Variants in ATP10A observed in about 807,000 individuals in gnomAD.
ATP10A encodes the protein phospholipid-transporting ATPase VA.
ATP10A carries 111 observed loss-of-function variants against 147.8 expected under a neutral mutation model. That is an observed-to-expected ratio of 0.75 (90% confidence interval 0.64 to 0.88). The LOEUF (loss-of-function observed/expected upper bound fraction) is 0.88, where lower values mean the gene tolerates loss of function less well. Among genes scored for constraint, ATP10A ranks in the 40% least tolerant of loss-of-function variants. The pLI, the probability that ATP10A is intolerant of heterozygous loss-of-function variation, is 0.00. For missense variants in ATP10A, 1,927 were observed against 1,959.0 expected (o/e 0.98, Z 0.31); for synonymous variants, 875 against 841.6 (o/e 1.04, Z -0.69).
chr15:25,802,818 G>C (rs564996920), intron 1 of ATP10A, among the ~76,000 whole-genome samples: 19 of 152,032 alleles, frequency 1.2e-4, no homozygotes, highest in African/African-American at 4.4e-4. Context: ...AATCTATCTC[G>C]AGGTCACTGA....
At chr15:25,749,099 T>C (rs1398868104) in intron 2 of ATP10A, among the ~76,000 whole-genome samples, 3 of 149,958 alleles carry the variant, frequency 2.0e-5, no homozygotes, top group African/African-American at 7.4e-5. Context: ...AATACATGAG[T>C]TTAGCAAAGT....
Position 25,736,133 on chromosome 15 carries a change from T to A in ATP10A, c.663A>T (p.Glu221Asp). Residue 221 changes from glutamate to aspartate, a missense_variant, in exon 3 of 21, where the codon GAA becomes GAT. Physicochemically the swap from Glu to Asp is conservative, Grantham distance 45 (BLOSUM62 2). Transcript: ENST00000555815. ...VVRGFSELVSEFNPLTFTSVI... is the reference protein window; with the variant it reads ...VVRGFSELVSDFNPLTFTSVI... ...CGCTGGTGAACGTCAAAGGATTGAA[T>A]TCGGAGACCTAAAATAACAGCACGT... is the stretch of plus-strand genomic sequence containing the variant. 1 of 1,612,758 alleles carries A rather than the reference T, an allele frequency of 6.2e-7. No homozygotes were observed. The highest frequency in any genetic ancestry group is 8.5e-7 in the Non-Finnish European group (1 of 1,179,932).
At chr15:25,692,778 G>A (rs1900107738) in intron 14 of ATP10A, among the ~76,000 whole-genome samples, 1 of 152,138 alleles carries the variant, frequency 6.6e-6, no homozygotes, top group Non-Finnish European at 1.5e-5. Flanking sequence ...TCACATTGAT[G>A]CTTTAACGCA....
intron 2 of ATP10A, among the ~76,000 whole-genome samples, chr15:25,742,878 T>C (rs1887644059): frequency 6.6e-6 from 1 of 152,230 alleles, no homozygotes; most frequent in Non-Finnish European, 1.5e-5. Flanking sequence ...TCTGCTGAGC[T>C]ATTAGCACAG....
At chr15:25,862,590 TC>T (rs1597015621) in intron 1 of ATP10A, 57 bp downstream of exon 1, 1 of 1,454,992 alleles carries the variant, frequency 6.9e-7, no homozygotes, top group Non-Finnish European at 9.1e-7. Flanking sequence ...AACACCAAGT[TC>T]CCGGGGCGCC....
intron 2 of ATP10A, among the ~76,000 whole-genome samples, chr15:25,748,940 GTAA>G (rs1887994260): frequency 6.6e-6 from 1 of 150,878 alleles, no homozygotes; most frequent in Non-Finnish European, 1.5e-5. Context: ...GTGTGTGCCT[GTAA>G]TCCCAGCTAC....
intron 2 of ATP10A, among the ~76,000 whole-genome samples, chr15:25,779,722 A>G (rs1353648754): frequency 6.6e-6 from 1 of 152,234 alleles, no homozygotes; most frequent in African/African-American, 2.4e-5. Flanking sequence ...CTCCTGATCT[A>G]AATGAGAGCA....
chr15:25,826,455 G>A (rs892244324), intron 1 of ATP10A, among the ~76,000 whole-genome samples: 9 of 152,136 alleles, frequency 5.9e-5, no homozygotes, highest in African/African-American at 2.2e-4. Flanking sequence ...CCAGCTACTT[G>A]AGAGGCTGAG....
At position 25,783,327 on chromosome 15, in the gene ATP10A, G is replaced by A. The variant is rs183470937; in HGVS notation, c.450-2104C>T. The stretch of plus-strand genomic sequence containing the variant: ...TCTCACCCGAGTTCCAAGAGAGCAA[G>A]GAGTTTGGTTTGTATCTGGAGGTGG... On this transcript the variant is annotated intron_variant, in intron 1 of 20. Coordinates refer to ENST00000555815, the MANE Select transcript of ATP10A (RefSeq NM_024490.4). Among the ~76,000 whole-genome samples the A allele has an allele frequency of 7.3e-4, 111 of 152,332 alleles. 1 individual carries two copies. In the East Asian group the frequency reaches 0.021, roughly 29 times the overall value.
chr15:25,780,287 C>T (rs1889848736), intron 2 of ATP10A, among the ~76,000 whole-genome samples: 1 of 152,254 alleles, frequency 6.6e-6, no homozygotes, highest in Non-Finnish European at 1.5e-5. Flanking sequence ...CTCAGACTTG[C>T]TGTCTAGGCC....
intron 3 of ATP10A, among the ~76,000 whole-genome samples, chr15:25,734,910 C>T (rs1287868952): frequency 6.6e-6 from 1 of 151,414 alleles, no homozygotes; most frequent in Non-Finnish European, 1.5e-5. Context: ...GCTGGCAAAA[C>T]AGAAGACTCA....
chr15:25,804,789 C>T (rs1891106874), intron 1 of ATP10A, among the ~76,000 whole-genome samples: 1 of 151,992 alleles, frequency 6.6e-6, no homozygotes, highest in Non-Finnish European at 1.5e-5. Flanking sequence ...ACAAAGTAGG[C>T]CTTTGCTGAA....
chr15:25,747,670 TA>T (rs1214254518), intron 2 of ATP10A, among the ~76,000 whole-genome samples: 3 of 152,170 alleles, frequency 2.0e-5, no homozygotes, highest in Admixed American at 6.5e-5. Flanking sequence ...TACAAGTTTC[TA>T]AAATTTAGAG....
chr15:25,792,682 C>T (rs1247879393), intron 1 of ATP10A, among the ~76,000 whole-genome samples: 7 of 152,240 alleles, frequency 4.6e-5, no homozygotes, highest in East Asian at 1.9e-4. Context: ...GCACGAAGCA[C>T]GCACTGCACC....
chr15:25,691,664 A>C (rs771697201), intron 15 of ATP10A, 51 bp downstream of exon 15: 1 of 1,587,134 alleles, frequency 6.3e-7, no homozygotes, highest in Non-Finnish European at 8.7e-7. Flanking sequence ...TGACAGGACA[A>C]GAGGTCAGTA....
At chr15:25,726,375 TTTTTGC>T (rs1362515054) in intron 4 of ATP10A, among the ~76,000 whole-genome samples, 1 of 152,106 alleles carries the variant, frequency 6.6e-6, no homozygotes, top group Non-Finnish European at 1.5e-5. Context: ...ATTCAAAGAA[TTTTTGC>T]TTTTGCTCCT....
intron 1 of ATP10A, among the ~76,000 whole-genome samples, chr15:25,792,605 C>T (rs1235599305): frequency 1.3e-5 from 2 of 152,184 alleles, no homozygotes; most frequent in East Asian, 1.9e-4. Context: ...ATGTGGATGT[C>T]CAACCCCAAC....
chr15:25,699,727 G>A (rs1312628634), intron 13 of ATP10A, among the ~76,000 whole-genome samples: 6 of 152,070 alleles, frequency 3.9e-5, no homozygotes, highest in Non-Finnish European at 5.9e-5. Flanking sequence ...AATTAGCCAG[G>A]TATGCTTGTG....
At chr15:25,756,635 T>C (rs767928721) in intron 2 of ATP10A, among the ~76,000 whole-genome samples, 4 of 103,246 alleles carry the variant, frequency 3.9e-5, no homozygotes, top group Non-Finnish European at 8.6e-5. Flanking sequence ...AGAGCAAGAC[T>C]CCATCTCAAA....
Sources: gnomAD v4.1 joint callset for allele counts (sites outside exome capture counted in the v4.1 genomes callset) on GRCh38, gnomAD v4.1.1 for gene constraint, MANE v1.5 for transcripts, NCBI Gene and HGNC (gene_info 2026-07-23, HGNC 2026-07-21) for gene names.